The following PTPN5 variants were observed in gnomAD, a reference collection of about 807,000 sequenced individuals.
PTPN5 encodes protein tyrosine phosphatase non-receptor type 5.
A neutral mutation model predicts 73.9 loss-of-function variants in PTPN5; 29 were observed. The ratio of observed to expected loss-of-function variants is 0.39; its 90% CI spans 0.29 to 0.54. The LOEUF is 0.54. Ranked by LOEUF, PTPN5 falls within the 20% of genes least tolerant of loss-of-function variation. PTPN5 has a pLI of 0.65. For synonymous variants in PTPN5, 267 were observed against 304.7 expected, an observed-to-expected ratio of 0.88 and a Z score of 1.29; for missense variants, 652 against 751.4, an observed-to-expected ratio of 0.87 and a Z score of 1.55.
chr11:18,743,679 C>T (rs994123655), intron 4 of PTPN5: 14 of 586,734 alleles, frequency 2.4e-5, no homozygotes, highest in Non-Finnish European at 3.9e-5. Context: ...CAAATATGTA[C>T]ATCAAAAGAG....
chr11:18,743,150 C>G, intron 5 of PTPN5, 75 bp from the exon 6 acceptor site: 1 of 1,279,658 alleles, frequency 7.8e-7, no homozygotes, highest in Non-Finnish European at 1.1e-6. Context: ...ATGACAAAAC[C>G]AAGATTCTGA....
At chr11:18,741,691 A>C (rs1007862679) in intron 7 of PTPN5, among the ~76,000 whole-genome samples, 1 of 152,174 alleles carries the variant, frequency 6.6e-6, no homozygotes, top group African/African-American at 2.4e-5. Flanking sequence ...TAAAGATGGC[A>C]ACAATAGAAA....
At chr11:18,753,064 C>G (rs1211841064) in intron 3 of PTPN5, among the ~76,000 whole-genome samples, 1 of 152,220 alleles carries the variant, frequency 6.6e-6, no homozygotes, top group Non-Finnish European at 1.5e-5. Context: ...AGGCTTGAGG[C>G]CCCATGGCAG....
In PTPN5 at chr11:18,737,334, T is replaced by C. The variant is rs576124350; in HGVS notation, c.1000+546A>G. ...CGCCTCACTTGAATATACTGAGTAA[T>C]GGGGAGCTCACTCCCTGACAGAGAC... On this transcript the variant is annotated intron_variant, in intron 9 of 14. Transcript: ENST00000358540. 4.6e-5 allele frequency among the ~76,000 whole-genome samples: 7 copies of C among 152,296 alleles called. No homozygotes were observed. In the South Asian group the frequency reaches 1.2e-3, roughly 27 times the overall value.
rs1848706294 is a variant in PTPN5 at position 18,727,996 on chromosome 11, C to T, written c.*938G>A. 1 of 152,558 alleles carries T rather than the reference C, an allele frequency of 6.6e-6. No individual in the cohort carries two copies. Among genetic ancestry groups the T allele is most frequent in the South Asian group, 2.1e-4 (1 of 4,818 alleles). The allele number at this position is 152,558 out of a possible 1,614,324, so 9.5% of individuals were successfully genotyped here. A position where few individuals can be genotyped will look rare whatever the true frequency, so the allele number is the denominator to read the frequency against. On this transcript the variant is annotated 3_prime_UTR_variant, in exon 15 of 15. Coordinates refer to ENST00000358540, the MANE Select transcript of PTPN5 (RefSeq NM_006906.2). ...CCACGAGCGAATTATAAAAAGACAC[C>T]AAATGTCTCTGTCTGCCGTGGGATA...
intron 3 of PTPN5, among the ~76,000 whole-genome samples, chr11:18,752,612 G>C (rs1269742879): frequency 6.6e-6 from 1 of 152,224 alleles, no homozygotes; most frequent in Non-Finnish European, 1.5e-5. Context: ...TCTTTGGATG[G>C]GATATAATAA....
chr11:18,734,523 T>C (rs1249112768), intron 9 of PTPN5, among the ~76,000 whole-genome samples: 1 of 152,152 alleles, frequency 6.6e-6, no homozygotes, highest in African/African-American at 2.4e-5. Flanking sequence ...TTGGTAGAGA[T>C]GAGGTCTTGC....
At chr11:18,764,519 G>A (rs1020580107) in intron 3 of PTPN5, among the ~76,000 whole-genome samples, 5 of 152,178 alleles carry the variant, frequency 3.3e-5, no homozygotes, top group Non-Finnish European at 7.3e-5. Flanking sequence ...ACTGAGTGTG[G>A]TGTGAATAAA....
Position 18,729,966 on chromosome 11 carries a change from T to C in PTPN5, c.1330-148A>G. On this transcript the variant is annotated intron_variant, in intron 12 of 14. Transcript: ENST00000358540. This position sits in a 1 kb window ranked among gnomAD's most constrained non-coding sequence, Gnocchi z 5.2. ...CTTCACCCTTCCATCTAGGCCACATTGCCCAGTGGCACCAGACACAGACCC... is the reference window on the plus strand; with the variant it reads ...CTTCACCCTTCCATCTAGGCCACATCGCCCAGTGGCACCAGACACAGACCC... 1 of 1,050,654 alleles carries C rather than the reference T, an allele frequency of 9.5e-7. No individual in the cohort carries two copies. Among genetic ancestry groups the C allele is most frequent in the Non-Finnish European group, 1.4e-6 (1 of 705,104 alleles). The allele number at this position is 1,050,654 out of a possible 1,614,324, so 65.1% of individuals were successfully genotyped here.
At chr11:18,762,212 GC>G (rs987767518) in intron 3 of PTPN5, among the ~76,000 whole-genome samples, 1 of 152,098 alleles carries the variant, frequency 6.6e-6, no homozygotes, top group Non-Finnish European at 1.5e-5. Flanking sequence ...TGGCCATGTT[GC>G]CCCCATCTGA....
In PTPN5 at chr11:18,767,355, G is replaced by A. The variant is rs116258233; in HGVS notation, c.21-1472C>T. Among the ~76,000 whole-genome samples the A allele has an allele frequency of 8.5e-3, 1,290 of 152,286 alleles. 19 individuals are homozygous for A. Among genetic ancestry groups the A allele is most frequent in the African/African-American group, 0.029 (1,218 of 41,570 alleles). The stretch of plus-strand genomic sequence containing the variant: ...CCTCAACCCAATTGCCAGGGTCTCT[G>A]AGAATCACAAGTCCTAGAGCCCAGC... On this transcript the variant is annotated intron_variant, in intron 2 of 14. Transcript: ENST00000358540.
chr11:18,747,072 G>A (rs1849676062), intron 3 of PTPN5, among the ~76,000 whole-genome samples: 1 of 152,064 alleles, frequency 6.6e-6, no homozygotes, highest in Non-Finnish European at 1.5e-5. Flanking sequence ...AGAATTCAGC[G>A]CTTCTTAGAT....
intron 12 of PTPN5, among the ~76,000 whole-genome samples, chr11:18,732,218 G>C (rs897080192): frequency 3.3e-5 from 5 of 152,160 alleles, no homozygotes; most frequent in Admixed American, 2.6e-4. Flanking sequence ...TTCTAAGGAG[G>C]ATCTCAAAGT....
At chr11:18,768,082 C>T (rs185451934) in intron 2 of PTPN5, among the ~76,000 whole-genome samples, 1 of 152,208 alleles carries the variant, frequency 6.6e-6, no homozygotes, top group Non-Finnish European at 1.5e-5. Flanking sequence ...TTCAAAGCCT[C>T]GCACAGTGCC....
chr11:18,773,048 C>T (rs1017703311), intron 1 of PTPN5, among the ~76,000 whole-genome samples: 2 of 151,558 alleles, frequency 1.3e-5, no homozygotes, highest in African/African-American at 2.4e-5. Context: ...GGCATGTGGA[C>T]GGGCCTGGAA....
At chr11:18,790,555 T>A (rs1040061582) in intron 1 of PTPN5, among the ~76,000 whole-genome samples, 11 of 152,072 alleles carry the variant, frequency 7.2e-5, no homozygotes, top group Non-Finnish European at 1.5e-4. Flanking sequence ...TTATGAGAGC[T>A]CTCCTTTGAG....
At chr11:18,746,152 T>C (rs1455103123) in intron 3 of PTPN5, among the ~76,000 whole-genome samples, 1 of 98,478 alleles carries the variant, frequency 1.0e-5, no homozygotes, top group East Asian at 2.7e-4. Context: ...GAAAAGCTGT[T>C]ATAAATATAA....
At chr11:18,781,385 T>C (rs1371219673) in intron 1 of PTPN5, among the ~76,000 whole-genome samples, 1 of 139,658 alleles carries the variant, frequency 7.2e-6, no homozygotes, top group Non-Finnish European at 1.5e-5. Context: ...AGCGGCGCGA[T>C]CTAGGCTCAC....
In PTPN5 at chr11:18,787,831, C is replaced by G. The variant is rs78912597; in HGVS notation, c.-114+3694G>C. Among the ~76,000 whole-genome samples, 422 of 152,286 alleles carry G rather than the reference C, an allele frequency of 2.8e-3. 2 individuals are homozygous for G. The highest frequency in any genetic ancestry group is 9.7e-3 in the African/African-American group (404 of 41,556). On this transcript the variant is annotated intron_variant, in intron 1 of 14. Transcript: ENST00000358540. ...GGTAGAGCTTGGGCAGGAAGTTCGT[C>G]TTTTTAGCAACGTATCCCTAGGGGC...
Sources: allele counts gnomAD v4.1 joint callset (sites outside exome capture counted in the v4.1 genomes callset), GRCh38; gene constraint gnomAD v4.1.1; non-coding constraint Gnocchi (gnomAD v3.1); transcripts MANE v1.5; gene names NCBI Gene and HGNC (gene_info 2026-07-23, HGNC 2026-07-21).